RPS5: variants seen among roughly 807,000 people sequenced by gnomAD.
The protein encoded by RPS5 is ribosomal protein S5.
Under a neutral mutation model 20.9 loss-of-function variants are expected in RPS5, and 2 were observed. That is an observed-to-expected ratio of 0.10 (90% CI 0.04 to 0.30). The LOEUF (loss-of-function observed/expected upper bound fraction) is 0.30, where lower values mean the gene tolerates loss of function less well. Ranked by LOEUF, RPS5 falls within the 10% of genes least tolerant of loss-of-function variation. The probability of loss-of-function intolerance (pLI) is 1.00; values close to 1 mark genes in which losing one functional copy is unlikely to be tolerated. For missense variants in RPS5, 122 were observed against 287.2 expected, an observed-to-expected ratio of 0.42 and a Z score of 4.16; for synonymous variants, 112 against 105.8, an observed-to-expected ratio of 1.06 and a Z score of -0.36.
chr19:58,393,714 T>TCC, intron 4 of RPS5: 1 of 544,446 alleles, frequency 1.8e-6, no homozygotes, highest in Non-Finnish European at 3.1e-6. Context: ...TGGGTGTATA[T>TCC]TTTTACACTG....
At chr19:58,390,870 A>G (rs2052358692) in intron 2 of RPS5, among the ~76,000 whole-genome samples, 1 of 152,096 alleles carries the variant, frequency 6.6e-6, no homozygotes, top group Non-Finnish European at 1.5e-5. Context: ...TCTTGCAGCC[A>G]GACTATGAAA....
chr19:58,391,522 C>T (rs1181895845), intron 2 of RPS5, among the ~76,000 whole-genome samples: 1 of 148,820 alleles, frequency 6.7e-6, no homozygotes, highest in African/African-American at 2.5e-5. Flanking sequence ...AGAATTGCTT[C>T]AACCCAGGAG....
At position 58,392,606 on chromosome 19, in the gene RPS5, CAGTG is replaced by C. The variant is rs374774525; in HGVS notation, c.109-367_109-364del. 2.2e-4 allele frequency among the ~76,000 whole-genome samples: 33 copies of C among 148,658 alleles called. No individual in the cohort carries two copies. The East Asian group carries it at 5.3e-3, about 24-fold the overall frequency. On this transcript the variant is annotated intron_variant, in intron 2 of 5. Transcript: ENST00000196551. ...CACCACTGCACACCAGCCTGGGTGA[CAGTG>C]AGAGACTCAAAAAAAAAAAAACTGA... is the stretch of plus-strand genomic sequence containing the variant.
chr19:58,390,486 A>G (rs1568573782), intron 2 of RPS5, among the ~76,000 whole-genome samples: 1 of 112,060 alleles, frequency 8.9e-6, no homozygotes, highest in Non-Finnish European at 1.6e-5. Flanking sequence ...CCCAGGCTGG[A>G]GTGCAGTGGC....
At chr19:58,394,305 CTGTG>C in intron 4 of RPS5, 188 bp from the exon 5 acceptor site, 6 of 573,406 alleles carry the variant, frequency 1.0e-5, no homozygotes, top group East Asian at 2.9e-5. Flanking sequence ...CAACTTCAGC[CTGTG>C]TGTGTGTGTG....
rs556990143 is a variant in RPS5 at position 58,393,430 on chromosome 19, C to T, written c.390C>T (p.Arg130=). Residue 130 remains arginine, a synonymous_variant, in exon 4 of 6, where the codon CGC becomes CGT. Coordinates refer to ENST00000196551, the MANE Select transcript of RPS5 (RefSeq NM_001009.4). ...GPREDSTRIG[R]AGTVRRQAVD... is the part of the protein sequence containing the mutation. ...GGGAGGACTCCACACGCATTGGGCG[C>T]GCCGGGACTGTGAGACGACAGGCTG... 15 of 1,613,516 alleles carry T rather than the reference C, an allele frequency of 9.3e-6. No individual in the cohort carries two copies. The Admixed American group carries it at 1.0e-4, about 11-fold the overall frequency.
At chr19:58,392,323 A>C (rs372995926) in intron 2 of RPS5, among the ~76,000 whole-genome samples, 39 of 150,008 alleles carry the variant, frequency 2.6e-4, no homozygotes, top group African/African-American at 9.0e-4. Flanking sequence ...CTCAGCCTCA[A>C]GGGGGGGAAA....
intron 2 of RPS5, among the ~76,000 whole-genome samples, chr19:58,390,627 G>A (rs1249385641): frequency 6.6e-6 from 1 of 151,884 alleles, no homozygotes; most frequent in Non-Finnish European, 1.5e-5. Flanking sequence ...GTAGAGACAG[G>A]GTTTCACCAT....
chr19:58,394,447 C>A, intron 4 of RPS5, 50 bp from the exon 5 acceptor site: 1 of 1,530,880 alleles, frequency 6.5e-7, no homozygotes, highest in Non-Finnish European at 9.0e-7. Context: ...CCCCAGGGTG[C>A]TGGAGGACCG....
intron 2 of RPS5, among the ~76,000 whole-genome samples, chr19:58,389,073 C>T (rs7251034): frequency 0.1 from 15,451 of 152,132 alleles, 2,672 homozygotes; most frequent in African/African-American, 0.35. Context: ...CTACTCCGTA[C>T]GGTTTTACAC....
chr19:58,388,607 G>A, intron 2 of RPS5: 1 of 383,908 alleles, frequency 2.6e-6, no homozygotes, highest in Non-Finnish European at 4.6e-6. Flanking sequence ...GAATGGCCTT[G>A]GCCACTTGTC....
Position 58,388,233 on chromosome 19 carries a change from C to T in RPS5, c.96C>T (p.Asp32=). The change falls in exon 2 of 6, where the codon GAC becomes GAT. Residue 32 remains aspartate, a synonymous_variant. Transcript: ENST00000196551. ...GCACCGATGATGTGCAGATCAATGA[C>T]ATTTCCCTGCAGGTGAGGGGAACTT... ...KWSTDDVQIN[D]ISLQDYIAVK... 1 of 1,610,232 alleles carries T rather than the reference C, an allele frequency of 6.2e-7. No homozygotes were observed. Among genetic ancestry groups the T allele is most frequent in the East Asian group, 2.2e-5 (1 of 44,842 alleles).
At chr19:58,389,642 A>C (rs903955961) in intron 2 of RPS5, among the ~76,000 whole-genome samples, 2 of 151,856 alleles carry the variant, frequency 1.3e-5, no homozygotes, top group Admixed American at 1.3e-4. Context: ...TTATTTATTT[A>C]TTTATTTTTT....
chr19:58,393,445 A>G lies in RPS5; in HGVS notation c.405A>G (p.Arg135=). The G allele has an allele frequency of 6.2e-7, 1 of 1,613,238 alleles. No individual in the cohort carries two copies. The highest frequency in any genetic ancestry group is 2.2e-5 in the East Asian group (1 of 44,878). Residue 135 remains arginine (R), a synonymous_variant, in exon 4 of 6, where the codon AGA becomes AGG. Coordinates refer to ENST00000196551, the MANE Select transcript of RPS5 (RefSeq NM_001009.4). ...GCATTGGGCGCGCCGGGACTGTGAG[A>G]CGACAGGCTGTGGATGTGTCCCCCC... ...STRIGRAGTV[R]RQAVDVSPLR... is the part of the protein sequence containing the mutation.
chr19:58,393,580 A>G lies in RPS5; in HGVS notation c.447+93A>G, dbSNP rs555543281. ...GGCAGGAAGGCTCCTCTCTGTCTGC[A>G]TGTTTTACCTGCAGCATCACTTCCT... On this transcript the variant is annotated intron_variant, in intron 4 of 5. Coordinates refer to ENST00000196551, the MANE Select transcript of RPS5 (RefSeq NM_001009.4). 1.3e-4 allele frequency: 185 copies of G among 1,468,796 alleles called. No individual in the cohort carries two copies. The Admixed American group carries it at 2.2e-3, about 18-fold the overall frequency. 91.0% of individuals were successfully genotyped at this position (1,468,796 alleles called of 1,614,324 possible).
At chr19:58,391,325 A>T (rs1442341710) in intron 2 of RPS5, among the ~76,000 whole-genome samples, 1 of 149,550 alleles carries the variant, frequency 6.7e-6, no homozygotes, top group Non-Finnish European at 1.5e-5. Flanking sequence ...CCAGCTACTT[A>T]GGAGGCTGAT....
chr19:58,389,277 A>C (rs2122157686), intron 2 of RPS5, among the ~76,000 whole-genome samples: 1 of 152,050 alleles, frequency 6.6e-6, no homozygotes, highest in African/African-American at 2.4e-5. Flanking sequence ...TTAATCATTA[A>C]AGTTTTATCT....
At position 58,387,295 on chromosome 19, in the gene RPS5, C is replaced by T. The variant is rs779742052; in HGVS notation, c.-46C>T. 7.2e-5 allele frequency: 11 copies of T among 152,390 alleles called. No individual in the cohort carries two copies. The highest frequency in any genetic ancestry group is 6.2e-4 in the South Asian group (3 of 4,830). The allele number at this position is 152,390 out of a possible 1,614,324, so 9.4% of individuals were successfully genotyped here. ...TCTTCCTGTCTGTACCAGGGCGGCG[C>T]GTGGTCTACGCCGAGTGACAGAGAC... On this transcript the variant is annotated 5_prime_UTR_variant, in exon 1 of 6. Transcript: ENST00000196551.
intron 2 of RPS5, 30 bp from the exon 3 acceptor site, chr19:58,392,946 C>G (rs1317888521): frequency 3.7e-6 from 6 of 1,606,288 alleles, no homozygotes; most frequent in Non-Finnish European, 5.1e-6. Context: ...TGACCATTTT[C>G]CCTTCATTTC....
Sources: gnomAD v4.1 joint callset for allele counts (sites outside exome capture counted in the v4.1 genomes callset) on GRCh38, gnomAD v4.1.1 for gene constraint, MANE v1.5 for transcripts, NCBI Gene and HGNC (gene_info 2026-07-23, HGNC 2026-07-21) for gene names.